The following GCNT2 variants were observed in gnomAD, a reference collection of about 807,000 sequenced individuals.
The protein encoded by GCNT2 is N-acetyllactosaminide beta-1,6-N-acetylglucosaminyl-transferase.
In GCNT2, 34 loss-of-function variants were observed where a neutral mutation model predicts 34.2. The observed-to-expected ratio is 1.00, with a 90% CI of 0.76 to 1.32. The LOEUF is 1.32. Ranked by LOEUF, GCNT2 falls within the 40% of genes most tolerant of loss-of-function variation. The pLI, the probability that GCNT2 is intolerant of heterozygous loss-of-function variation, is 0.00. For synonymous variants in GCNT2, 212 were observed against 188.0 expected (o/e 1.13, Z -1.04); for missense variants, 584 against 489.4 (o/e 1.19, Z -1.82).
chr6:10,545,894 CTG>C (rs1426040052), intron 3 of GCNT2, among the ~76,000 whole-genome samples: 1 of 152,158 alleles, frequency 6.6e-6, no homozygotes, highest in Non-Finnish European at 1.5e-5. Flanking sequence ...GGATAGGTCA[CTG>C]TTGACAAGAT....
intron 3 of GCNT2, among the ~76,000 whole-genome samples, chr6:10,560,286 C>T (rs761907908): frequency 2.1e-5 from 3 of 141,794 alleles, no homozygotes; most frequent in Non-Finnish European, 4.6e-5. Flanking sequence ...GACGGGGTTT[C>T]ACCATGTTGC....
At chr6:10,578,238 A>G (rs1339479802) in intron 3 of GCNT2, among the ~76,000 whole-genome samples, 2 of 151,668 alleles carry the variant, frequency 1.3e-5, no homozygotes, top group Admixed American at 6.6e-5. Flanking sequence ...TAAAAACACA[A>G]AAATTAGCTG....
chr6:10,623,672 C>A (rs1766143089), intron 4 of GCNT2, among the ~76,000 whole-genome samples: 1 of 152,162 alleles, frequency 6.6e-6, no homozygotes, highest in Non-Finnish European at 1.5e-5. Context: ...GTCTTTGTCA[C>A]CTCTACTAGT....
chr6:10,590,715 G>C (rs915885454), intron 3 of GCNT2, among the ~76,000 whole-genome samples: 1 of 151,856 alleles, frequency 6.6e-6, no homozygotes, highest in Non-Finnish European at 1.5e-5. Context: ...CACCAAGCCC[G>C]GCTAATTTTT....
intron 3 of GCNT2, among the ~76,000 whole-genome samples, chr6:10,613,146 A>G (rs551932693): frequency 1.1e-4 from 16 of 152,248 alleles, no homozygotes; most frequent in Non-Finnish European, 1.9e-4. Flanking sequence ...CAAAATGAGG[A>G]CCAAACTGTG....
rs1459665973 is a variant in GCNT2, at chr6:10,551,263, G to A, written c.925+21427G>A. Among the ~76,000 whole-genome samples, 215 of 152,004 alleles carry A rather than the reference G, an allele frequency of 1.4e-3. 3 individuals are homozygous for A. Among genetic ancestry groups the A allele is most frequent in the Non-Finnish European group, 1.9e-4 (13 of 67,994 alleles). ...TGGCATCATTCAGCATCCAGGAAGT[G>A]TTTCCATCATAACTTTGCTGCATCA... On this transcript the variant is annotated intron_variant, in intron 3 of 4. Coordinates refer to ENST00000495262, the MANE Select transcript of GCNT2 (RefSeq NM_145649.5).
intron 3 of GCNT2, among the ~76,000 whole-genome samples, chr6:10,540,478 T>A (rs1232557068): frequency 2.6e-5 from 4 of 152,170 alleles, no homozygotes; most frequent in Non-Finnish European, 4.4e-5. Flanking sequence ...ACACTTCTCT[T>A]GCAGCACCTC....
intron 3 of GCNT2, among the ~76,000 whole-genome samples, chr6:10,570,607 C>T (rs1018236645): frequency 6.6e-6 from 1 of 152,188 alleles, no homozygotes; most frequent in African/African-American, 2.4e-5. Flanking sequence ...TCCTTAGACC[C>T]AATCTTCACA....
chr6:10,573,089 C>A, intron 3 of GCNT2: 1 of 615,664 alleles, frequency 1.6e-6, no homozygotes, highest in Non-Finnish European at 2.0e-6. Context: ...AAATCACTGC[C>A]TATCTCTATT....
At chr6:10,587,371 T>C (rs1446013094) in intron 3 of GCNT2, among the ~76,000 whole-genome samples, 1 of 152,196 alleles carries the variant, frequency 6.6e-6, no homozygotes, top group Non-Finnish European at 1.5e-5. Flanking sequence ...TTTTAGAATC[T>C]TGGAAGCTGC....
At chr6:10,557,182 C>A (rs374053208) in intron 3 of GCNT2, 12 of 1,553,374 alleles carry the variant, frequency 7.7e-6, no homozygotes, top group Admixed American at 2.0e-5. Flanking sequence ...CGCCTCCCCC[C>A]CATAATCTCA....
intron 3 of GCNT2, among the ~76,000 whole-genome samples, chr6:10,588,510 T>C (rs548675970): frequency 6.6e-6 from 1 of 152,284 alleles, no homozygotes; most frequent in East Asian, 1.9e-4. Flanking sequence ...TGACCCTGCA[T>C]TTGTGTGGCC....
chr6:10,551,386 C>T (rs1208403829), intron 3 of GCNT2, among the ~76,000 whole-genome samples: 1 of 151,740 alleles, frequency 6.6e-6, no homozygotes, highest in Non-Finnish European at 1.5e-5. Context: ...AAACTTCTTT[C>T]CCCGCCTCTG....
intron 3 of GCNT2, among the ~76,000 whole-genome samples, chr6:10,620,232 G>T (rs1445386187): frequency 6.6e-6 from 1 of 152,110 alleles, no homozygotes; most frequent in Non-Finnish European, 1.5e-5. Context: ...TAATTAAAAA[G>T]AATCTTCTAA....
Position 10,619,943 on chromosome 6 carries a change from C to T in GCNT2, c.926-1408C>T, listed in dbSNP as rs185032633. ...CAGCAAAGGCAGAGTCAGAGTGGAG[C>T]CTTCTTACATCGTGTCACTCTGTCC... On this transcript the variant is annotated intron_variant, in intron 3 of 4. Transcript: ENST00000495262. Among the ~76,000 whole-genome samples the T allele has an allele frequency of 2.6e-5, 4 of 152,308 alleles. No individual in the cohort carries two copies. The East Asian group carries it at 7.7e-4, about 29-fold the overall frequency.
At chr6:10,571,215 C>T (rs1210408875) in intron 3 of GCNT2, among the ~76,000 whole-genome samples, 1 of 152,168 alleles carries the variant, frequency 6.6e-6, no homozygotes, top group Admixed American at 6.5e-5. Flanking sequence ...TCCATCCCTA[C>T]AATCCCATAT....
intron 3 of GCNT2, among the ~76,000 whole-genome samples, chr6:10,611,604 C>CAA: frequency 6.6e-6 from 1 of 152,284 alleles, no homozygotes; most frequent in South Asian, 2.1e-4. Context: ...GCTGGGATTA[C>CAA]AGGCGTGAGC....
At chr6:10,566,248 T>A (rs1763279344) in intron 3 of GCNT2, among the ~76,000 whole-genome samples, 1 of 151,982 alleles carries the variant, frequency 6.6e-6, no homozygotes, top group Non-Finnish European at 1.5e-5. Flanking sequence ...TTCTCACTCA[T>A]CTGGACTCCC....
chr6:10,596,479 C>T (rs1258961275), intron 3 of GCNT2, among the ~76,000 whole-genome samples: 1 of 151,970 alleles, frequency 6.6e-6, no homozygotes, highest in Non-Finnish European at 1.5e-5. Context: ...TGAGATTGCG[C>T]CACTGCACTC....
Sources: gnomAD v4.1 joint callset for allele counts (sites outside exome capture counted in the v4.1 genomes callset) on GRCh38, gnomAD v4.1.1 for gene constraint, MANE v1.5 for transcripts, NCBI Gene and HGNC (gene_info 2026-07-23, HGNC 2026-07-21) for gene names.